Variants in TRPC4AP observed in about 807,000 individuals in gnomAD.
TRPC4AP encodes the protein transient receptor potential cation channel subfamily C member 4 associated protein.
In TRPC4AP, 45 loss-of-function variants were observed where a neutral mutation model predicts 99.0. That is an observed-to-expected ratio of 0.45 (90% CI 0.36 to 0.58). The LOEUF (loss-of-function observed/expected upper bound fraction) is 0.58, where lower values mean the gene tolerates loss of function less well. Ranked by LOEUF, TRPC4AP falls within the 20% of genes least tolerant of loss-of-function variation. The pLI is 0.00. For synonymous variants in TRPC4AP, 408 were observed against 385.8 expected, an observed-to-expected ratio of 1.06 and a Z score of -0.67; for missense variants, 879 against 985.3, an observed-to-expected ratio of 0.89 and a Z score of 1.44.
intron 3 of TRPC4AP, among the ~76,000 whole-genome samples, chr20:35,063,328 A>T (rs766292507): frequency 6.6e-6 from 1 of 152,194 alleles, no homozygotes; most frequent in Non-Finnish European, 1.5e-5. Flanking sequence ...TCATTGCAGC[A>T]TGAGAACGGA....
chr20:35,007,709 G>T (rs542307914), intron 13 of TRPC4AP, 69 bp from the exon 14 acceptor site: 68 of 1,519,916 alleles, frequency 4.5e-5, no homozygotes, highest in Non-Finnish European at 6.1e-5. Context: ...TTCTCCAAGG[G>T]GTTGGGAGAT....
chr20:35,090,534 C>T (rs2085027547), intron 1 of TRPC4AP, among the ~76,000 whole-genome samples: 1 of 151,926 alleles, frequency 6.6e-6, no homozygotes, highest in Admixed American at 6.6e-5. Context: ...CCACCACGCC[C>T]GGCTAATTTT....
At position 35,016,065 on chromosome 20, in the gene TRPC4AP, C is replaced by T. The variant is rs1359168809; in HGVS notation, c.1293G>A (p.Lys431=). 1.2e-6 allele frequency: 2 copies of T among 1,614,194 alleles called. No individual in the cohort carries two copies. Among genetic ancestry groups the T allele is most frequent in the Non-Finnish European group, 8.5e-7 (1 of 1,180,040 alleles). The change falls in exon 10 of 19, where the codon AAG becomes AAA. Residue 431 remains lysine (K), a synonymous_variant. Transcript: ENST00000252015. ...NNLFDKLIWR[K]HSASALVLHG... ...GGAGGACAAGGGCAGATGCTGAATG[C>T]TTCCTCCAAATCAGTTTGTCAAACA...
chr20:35,030,956 G>T (rs1244842732), intron 8 of TRPC4AP, among the ~76,000 whole-genome samples: 1 of 152,142 alleles, frequency 6.6e-6, no homozygotes, highest in African/African-American at 2.4e-5. Flanking sequence ...AAGTCGGTAT[G>T]CTGCTTAATT....
At chr20:35,085,081 G>T (rs911196090) in intron 1 of TRPC4AP, among the ~76,000 whole-genome samples, 1 of 152,158 alleles carries the variant, frequency 6.6e-6, no homozygotes, top group Non-Finnish European at 1.5e-5. Flanking sequence ...ATGTTATTTA[G>T]AAATACTGGC....
At chr20:35,076,740 G>A (rs916745507) in intron 2 of TRPC4AP, among the ~76,000 whole-genome samples, 1 of 152,138 alleles carries the variant, frequency 6.6e-6, no homozygotes, top group Non-Finnish European at 1.5e-5. Context: ...CAGTCTGTCT[G>A]TTCTCAGATC....
intron 16 of TRPC4AP, among the ~76,000 whole-genome samples, chr20:35,005,324 A>G (rs2082493910): frequency 1.3e-5 from 2 of 152,196 alleles, no homozygotes; most frequent in African/African-American, 4.8e-5. Flanking sequence ...GCGTGCGCAT[A>G]CACATGGAAG....
intron 1 of TRPC4AP, among the ~76,000 whole-genome samples, chr20:35,087,175 A>C (rs1350791921): frequency 1.5e-5 from 2 of 130,716 alleles, no homozygotes; most frequent in Admixed American, 1.4e-4. Context: ...TAAAAATACA[A>C]AAAAAAAAAA....
chr20:35,007,757 A>G, intron 13 of TRPC4AP, 117 bp from the exon 14 acceptor site: 1 of 1,026,092 alleles, frequency 9.7e-7, no homozygotes, highest in Non-Finnish European at 1.5e-6. Context: ...TTTACTGAAC[A>G]TCTACCAAGC....
chr20:35,031,414 T>C (rs111922440), intron 8 of TRPC4AP, among the ~76,000 whole-genome samples: 67 of 131,624 alleles, frequency 5.1e-4, no homozygotes, highest in South Asian at 7.6e-4. Flanking sequence ...TTTTTTTTTT[T>C]TCAAAGAGAT....
chr20:35,006,712 A>G, intron 14 of TRPC4AP, 137 bp from the exon 15 acceptor site: 1 of 1,206,222 alleles, frequency 8.3e-7, no homozygotes, highest in East Asian at 2.5e-5. Flanking sequence ...TTCTTGTCTG[A>G]GGATGCTGGT....
intron 11 of TRPC4AP, 41 bp downstream of exon 11, chr20:35,012,952 GAGGCCTTCCGAAGAC>G: frequency 6.3e-7 from 1 of 1,577,234 alleles, no homozygotes; most frequent in Non-Finnish European, 8.7e-7. Flanking sequence ...CAAGGAGATC[GAGGCCTTCCGAAGAC>G]AGCCCAACAA....
At chr20:35,077,697 G>A (rs563066294) in intron 2 of TRPC4AP, among the ~76,000 whole-genome samples, 26 of 152,110 alleles carry the variant, frequency 1.7e-4, no homozygotes, top group East Asian at 5.8e-4. Context: ...CCTCTTCCAC[G>A]AGCCTTCAGC....
intron 1 of TRPC4AP, among the ~76,000 whole-genome samples, chr20:35,086,509 GTGTGTGTGTGTATATA>G (rs2084870931): frequency 1.3e-5 from 1 of 74,172 alleles, no homozygotes; most frequent in African/African-American, 5.4e-5. Context: ...GTATATATAT[GTGTGTGTGTGTATATA>G]TGTGTGTGTG....
chr20:35,067,196 C>T (rs1187297099), intron 3 of TRPC4AP, among the ~76,000 whole-genome samples: 1 of 152,214 alleles, frequency 6.6e-6, no homozygotes, highest in Non-Finnish European at 1.5e-5. Context: ...TGGCTGTAAT[C>T]ATTACAGGGC....
chr20:35,004,166 GTCCGAT>G (rs2082462405), intron 17 of TRPC4AP, among the ~76,000 whole-genome samples: 1 of 152,198 alleles, frequency 6.6e-6, no homozygotes, highest in African/African-American at 2.4e-5. Flanking sequence ...GCAGCCTCAG[GTCCGAT>G]TCCAAAGCCC....
chr20:35,083,460 T>C (rs1357155737), intron 1 of TRPC4AP, among the ~76,000 whole-genome samples: 1 of 149,872 alleles, frequency 6.7e-6, no homozygotes, highest in East Asian at 2.0e-4. Context: ...AAAAAAAAAA[T>C]TAGCTGGGCG....
intron 3 of TRPC4AP, among the ~76,000 whole-genome samples, chr20:35,062,359 T>C (rs1023184023): frequency 1.3e-5 from 2 of 152,222 alleles, no homozygotes; most frequent in African/African-American, 4.8e-5. Flanking sequence ...AAAATTTATA[T>C]GCCAATGTTC....
At chr20:35,070,515 A>C (rs894223083) in intron 2 of TRPC4AP, among the ~76,000 whole-genome samples, 1 of 150,896 alleles carries the variant, frequency 6.6e-6, no homozygotes. Flanking sequence ...GGTTCACGCC[A>C]TTCTCCTGCC....
Sources: allele counts gnomAD v4.1 joint callset (sites outside exome capture counted in the v4.1 genomes callset), GRCh38; gene constraint gnomAD v4.1.1; transcripts MANE v1.5; gene names NCBI Gene and HGNC (gene_info 2026-07-23, HGNC 2026-07-21).